The following FGD6 variants were observed in gnomAD, a reference collection of about 807,000 sequenced individuals.
FGD6 encodes FYVE, RhoGEF and PH domain-containing protein 6.
FGD6 carries 90 observed loss-of-function variants against 149.4 expected under a neutral mutation model. The observed-to-expected ratio is 0.60, with a 90% CI of 0.51 to 0.72. The LOEUF (loss-of-function observed/expected upper bound fraction) is 0.72. FGD6 is among the 30% of genes least tolerant of loss of function. FGD6 has a pLI of 0.00. For missense variants in FGD6, 1,437 were observed against 1,684.8 expected, an observed-to-expected ratio of 0.85 and a Z score of 2.57; for synonymous variants, 527 against 584.0, an observed-to-expected ratio of 0.90 and a Z score of 1.41.
intron 2 of FGD6, among the ~76,000 whole-genome samples, chr12:95,182,989 T>C (rs185963704): frequency 1.1e-3 from 172 of 152,344 alleles, no homozygotes; most frequent in Non-Finnish European, 2.0e-3. Context: ...ACTGAAAAGG[T>C]GGCGAGCCTT....
At chr12:95,187,302 G>C (rs1017033419) in intron 2 of FGD6, among the ~76,000 whole-genome samples, 1 of 147,592 alleles carries the variant, frequency 6.8e-6, no homozygotes, top group African/African-American at 2.5e-5. Context: ...CTGCACTCCA[G>C]CCTGGGAGAC....
At chr12:95,172,788 G>A in intron 2 of FGD6, 44 bp from the exon 3 acceptor site, 1 of 1,488,212 alleles carries the variant, frequency 6.7e-7, no homozygotes, top group Admixed American at 2.0e-5. Flanking sequence ...TCAATAATAA[G>A]AAGTGCTAGC....
At position 95,182,963 on chromosome 12, in the gene FGD6, C is replaced by A. The variant is rs532147235; in HGVS notation, c.2442-10219G>T. Among the ~76,000 whole-genome samples, 4 of 152,352 alleles carry A rather than the reference C, an allele frequency of 2.6e-5. No individual in the cohort carries two copies. The East Asian group carries it at 7.7e-4, about 29-fold the overall frequency. On this transcript the variant is annotated intron_variant, in intron 2 of 20. Transcript: ENST00000343958. ...TTTGCTTCCTCTAAGGTCTTGTCAT[C>A]ATAATCCTAACAGCCACTGAAAAGG...
rs778198992 is a variant in FGD6 at position 95,134,827 on chromosome 12, C to T, written c.2995-1G>A. On this transcript the variant is annotated splice_acceptor_variant, in intron 7 of 20. Coordinates refer to ENST00000343958, the MANE Select transcript of FGD6 (RefSeq NM_018351.4). LOFTEE classifies it high-confidence loss of function. Reference sequence around the variant, plus strand: ...CCAGATTAGCACAGCGAGGGCTCATCTGAAAGGAGAAGGCATCTAAATTAA... The same window carrying T: ...CCAGATTAGCACAGCGAGGGCTCATTTGAAAGGAGAAGGCATCTAAATTAA... 1 of 1,610,788 alleles carries T rather than the reference C, an allele frequency of 6.2e-7. No individual in the cohort carries two copies. Among genetic ancestry groups the T allele is most frequent in the Non-Finnish European group, 8.5e-7 (1 of 1,178,488 alleles).
At chr12:95,086,819 T>C (rs1289852042) in intron 18 of FGD6, among the ~76,000 whole-genome samples, 2 of 149,040 alleles carry the variant, frequency 1.3e-5, no homozygotes, top group East Asian at 2.0e-4. Context: ...GTGCTGGGAT[T>C]ACAGGCGTGA....
At chr12:95,121,328 C>A (rs529060192) in intron 8 of FGD6, among the ~76,000 whole-genome samples, 1 of 151,350 alleles carries the variant, frequency 6.6e-6, no homozygotes, top group African/African-American at 2.4e-5. Context: ...GTAATCCCAG[C>A]TACTAGGGAG....
intron 2 of FGD6, among the ~76,000 whole-genome samples, chr12:95,180,132 A>T (rs1881240415): frequency 6.6e-6 from 1 of 151,590 alleles, no homozygotes; most frequent in Non-Finnish European, 1.5e-5. Flanking sequence ...ATCATTCTCC[A>T]GGAAATATTG....
At chr12:95,185,226 C>CT (rs1232893085) in intron 2 of FGD6, among the ~76,000 whole-genome samples, 1 of 152,138 alleles carries the variant, frequency 6.6e-6, no homozygotes, top group Non-Finnish European at 1.5e-5. Context: ...ACATTGCTGA[C>CT]TAGTTCTGTG....
rs149533885 is a variant in FGD6, at chr12:95,108,350, G to A, written c.3262C>T (p.Arg1088Trp). 25 of 1,613,398 alleles carry A rather than the reference G, an allele frequency of 1.5e-5. No homozygotes were observed. Among genetic ancestry groups the A allele is most frequent in the African/African-American group, 1.3e-5 (1 of 74,914 alleles). Residue 1088 changes from arginine (R) to tryptophan (W), a missense_variant and splice_region_variant, in exon 11 of 21, where the codon CGG becomes TGG. Arg to Trp is a moderately radical substitution (Grantham distance 101, BLOSUM62 -3). This residue lies in a region of FGD6 where 382 missense variants were observed against 538.7 expected (regional missense o/e 0.71). Coordinates refer to ENST00000343958, the MANE Select transcript of FGD6 (RefSeq NM_018351.4). ...GAAAAGCAATGTAAAATGCTTACCC[G>A]ACCAGGCTGCACAATTTCATGGTGT... ...NGHHEIVQPG[R>W]VFLKEGILMK...
At chr12:95,215,570 C>T (rs1207738280) in intron 1 of FGD6, among the ~76,000 whole-genome samples, 1 of 152,206 alleles carries the variant, frequency 6.6e-6, no homozygotes, top group East Asian at 1.9e-4. Flanking sequence ...TGCTTCTCAG[C>T]CAGCAATGCT....
chr12:95,198,929 G>T (rs1881795613), intron 2 of FGD6, among the ~76,000 whole-genome samples: 1 of 152,144 alleles, frequency 6.6e-6, no homozygotes, highest in African/African-American at 2.4e-5. Flanking sequence ...TTTCTGCCTG[G>T]TTTGAATATT....
At chr12:95,151,768 A>G (rs978910430) in intron 5 of FGD6, among the ~76,000 whole-genome samples, 3 of 152,220 alleles carry the variant, frequency 2.0e-5, no homozygotes, top group African/African-American at 7.2e-5. Flanking sequence ...AGCCTAATTT[A>G]TGATGTTAAT....
rs902635614 is a variant in FGD6, at chr12:95,105,207, C to T, written c.3418-121G>A. 4 of 798,266 alleles carry T rather than the reference C, an allele frequency of 5.0e-6. No homozygotes were observed. In the Admixed American group the frequency reaches 9.6e-5, roughly 19 times the overall value. The allele number at this position is 798,266 out of a possible 1,614,324, so 49.4% of individuals were successfully genotyped here. On this transcript the variant is annotated intron_variant, in intron 13 of 20. Coordinates refer to ENST00000343958, the MANE Select transcript of FGD6 (RefSeq NM_018351.4). Reference sequence around the variant, plus strand: ...AACCAATCTTCCTATCCAGCTTTCTCTACTGCTGTTCTCCTTCATCTACTC... The same window carrying T: ...AACCAATCTTCCTATCCAGCTTTCTTTACTGCTGTTCTCCTTCATCTACTC...
At chr12:95,111,265 G>A (rs776259756) in intron 9 of FGD6, among the ~76,000 whole-genome samples, 9 of 152,166 alleles carry the variant, frequency 5.9e-5, no homozygotes, top group Non-Finnish European at 1.2e-4. Context: ...ATAGGCATGA[G>A]CCACCACGCC....
intron 19 of FGD6, 139 bp downstream of exon 19, chr12:95,085,641 T>A (rs1254439428): frequency 1.1e-6 from 1 of 888,906 alleles, no homozygotes; most frequent in African/African-American, 1.7e-5. Flanking sequence ...ACATTAAAAA[T>A]AACAGCAACA....
intron 18 of FGD6, among the ~76,000 whole-genome samples, chr12:95,088,860 T>G (rs3794257): frequency 0.18 from 27,841 of 152,138 alleles, 2,828 homozygotes; most frequent in Non-Finnish European, 0.21. Flanking sequence ...TTGATCAAAT[T>G]TTTAGAGTTC....
intron 2 of FGD6, among the ~76,000 whole-genome samples, chr12:95,199,664 G>C (rs1881820114): frequency 6.8e-6 from 1 of 147,060 alleles, no homozygotes; most frequent in African/African-American, 2.6e-5. Flanking sequence ...GCCCAGGCTG[G>C]CTCAATCTTA....
chr12:95,077,709 A>G lies in FGD6; in HGVS notation c.*3811T>C, dbSNP rs527548809. Reference sequence around the variant, plus strand: ...GGACTTGAACCAGGGCCTATGTAATAACAGCAGGGCAATGAGGATGGAAAG... The same window carrying G: ...GGACTTGAACCAGGGCCTATGTAATGACAGCAGGGCAATGAGGATGGAAAG... On this transcript the variant is annotated 3_prime_UTR_variant, in exon 21 of 21. Transcript: ENST00000343958. 3 of 152,372 alleles carry G rather than the reference A, an allele frequency of 2.0e-5. No individual in the cohort carries two copies. Among genetic ancestry groups the G allele is most frequent in the African/African-American group, 7.2e-5 (3 of 41,588 alleles). 9.4% of individuals were successfully genotyped at this position (152,372 alleles called of 1,614,324 possible). A position where few individuals can be genotyped will look rare whatever the true frequency, so the allele number is the denominator to read the frequency against.
chr12:95,164,466 A>G (rs112006394), intron 3 of FGD6, among the ~76,000 whole-genome samples: 6,144 of 151,422 alleles, frequency 0.041, 169 homozygotes, highest in Non-Finnish European at 0.067. Flanking sequence ...GTCTTGCTCT[A>G]TCACCCAGGC....
Sources: gnomAD v4.1 joint callset for allele counts (sites outside exome capture counted in the v4.1 genomes callset) on GRCh38, gnomAD v4.1.1 for gene constraint, gnomAD v4.1.1 regional missense constraint, MANE v1.5 for transcripts, NCBI Gene and HGNC (gene_info 2026-07-23, HGNC 2026-07-21) for gene names.